CLDN16: variants seen among roughly 807,000 people sequenced by gnomAD.
CLDN16 encodes claudin-16.
A neutral mutation model predicts 24.6 loss-of-function variants in CLDN16; 13 were observed. The observed-to-expected ratio is 0.53, with a 90% CI of 0.34 to 0.84. The LOEUF (loss-of-function observed/expected upper bound fraction) is 0.84, where lower values mean the gene tolerates loss of function less well. Among genes scored for constraint, CLDN16 ranks in the 40% least tolerant of loss-of-function variants. CLDN16 has a pLI of 0.01. For synonymous variants in CLDN16, 116 were observed against 106.7 expected, an observed-to-expected ratio of 1.09 and a Z score of -0.54; for missense variants, 298 against 292.7, an observed-to-expected ratio of 1.02 and a Z score of -0.13.
chr3:190,294,303 T>A, the CLDN16 span, among the ~76,000 whole-genome samples: 1 of 152,222 alleles, frequency 6.6e-6, no homozygotes, highest in Non-Finnish European at 1.5e-5. Flanking sequence ...TTTAAGCTGC[T>A]AGTATTAAAT....
At chr3:190,296,725 A>G in the CLDN16 span, among the ~76,000 whole-genome samples, 4 of 151,158 alleles carry the variant, frequency 2.6e-5, no homozygotes, top group Non-Finnish European at 5.9e-5. Flanking sequence ...AATTTTTTGT[A>G]TTTTTAGTAG....
At chr3:190,399,879 T>A (rs1299262561) in intron 1 of CLDN16, among the ~76,000 whole-genome samples, 1 of 152,066 alleles carries the variant, frequency 6.6e-6, no homozygotes, top group Non-Finnish European at 1.5e-5. Context: ...AGCTCCACCT[T>A]CTGTCGGATC....
intron 1 of CLDN16, among the ~76,000 whole-genome samples, chr3:190,391,238 TG>T (rs1266422780): frequency 6.7e-6 from 1 of 149,010 alleles, no homozygotes; most frequent in Non-Finnish European, 1.5e-5. Flanking sequence ...TATATTTGGA[TG>T]ATGTTGGCAC....
intron 1 of CLDN16, among the ~76,000 whole-genome samples, chr3:190,362,841 A>C (rs1440151798): frequency 6.6e-6 from 1 of 151,942 alleles, no homozygotes; most frequent in African/African-American, 2.4e-5. Flanking sequence ...CTCCCTATAC[A>C]TTATATGTTT....
At chr3:190,397,232 G>A (rs990339233) in intron 1 of CLDN16, among the ~76,000 whole-genome samples, 2 of 152,070 alleles carry the variant, frequency 1.3e-5, no homozygotes, top group African/African-American at 4.8e-5. Flanking sequence ...CATTTAGCAG[G>A]TAATCCACTC....
At chr3:190,291,963 A>G in the CLDN16 span, among the ~76,000 whole-genome samples, 1 of 152,128 alleles carries the variant, frequency 6.6e-6, no homozygotes, top group Non-Finnish European at 1.5e-5. Context: ...AAACTCCTTC[A>G]TGGGCTGGTA....
At chr3:190,302,059 G>A in the CLDN16 span, among the ~76,000 whole-genome samples, 3 of 152,148 alleles carry the variant, frequency 2.0e-5, no homozygotes, top group Non-Finnish European at 4.4e-5. Context: ...CTTCATTGCA[G>A]CTGCGTTGGC....
At chr3:190,328,592 T>TG (rs1294725545) in intron 1 of CLDN16, among the ~76,000 whole-genome samples, 2 of 151,992 alleles carry the variant, frequency 1.3e-5, no homozygotes, top group African/African-American at 4.8e-5. Flanking sequence ...GAATAGAGTG[T>TG]GGTAGGCTGG....
chr3:190,315,149 A>T, the CLDN16 span, among the ~76,000 whole-genome samples: 1 of 152,238 alleles, frequency 6.6e-6, no homozygotes, highest in Non-Finnish European at 1.5e-5. Context: ...CATAACACAG[A>T]TTTCAGATGT....
At chr3:190,343,658 A>G (rs77756650) in intron 1 of CLDN16, among the ~76,000 whole-genome samples, 4,498 of 152,234 alleles carry the variant, frequency 0.03, 109 homozygotes, top group East Asian at 0.081. Flanking sequence ...GCCACGACAT[A>G]TATGAATCTG....
At chr3:190,383,233 G>A (rs1369136045), upstream of CLDN16, among the ~76,000 whole-genome samples, 2 of 152,078 alleles carry the variant, frequency 1.3e-5, no homozygotes, top group South Asian at 4.1e-4. Flanking sequence ...ATAATTTTTG[G>A]AGGGAGCTAT....
intron 1 of CLDN16, among the ~76,000 whole-genome samples, chr3:190,364,130 T>C (rs1717968374): frequency 6.6e-6 from 1 of 151,970 alleles, no homozygotes; most frequent in Non-Finnish European, 1.5e-5. Flanking sequence ...CTTATCCTTT[T>C]TCCTCGTCCT....
At chr3:190,294,058 C>T in the CLDN16 span, among the ~76,000 whole-genome samples, 7 of 152,166 alleles carry the variant, frequency 4.6e-5, no homozygotes, top group African/African-American at 1.7e-4. Context: ...GACAGAATGT[C>T]AGGAAGGAGA....
intron 1 of CLDN16, among the ~76,000 whole-genome samples, chr3:190,366,195 T>C (rs1342266869): frequency 2.0e-5 from 3 of 151,972 alleles, no homozygotes; most frequent in African/African-American, 7.2e-5. Context: ...AAATTGGTAA[T>C]TTAAATTAGG....
chr3:190,330,067 T>C (rs1446402870), intron 1 of CLDN16, among the ~76,000 whole-genome samples: 1 of 152,010 alleles, frequency 6.6e-6, no homozygotes, highest in Admixed American at 6.6e-5. Flanking sequence ...CTTAATCATA[T>C]ACATGACTGA....
chr3:190,337,304 T>G (rs6789805), intron 1 of CLDN16, among the ~76,000 whole-genome samples: 10,713 of 152,140 alleles, frequency 0.07, 558 homozygotes, highest in African/African-American at 0.14. Context: ...TTCATATTAG[T>G]GACAAGAAGA....
At chr3:190,296,265 A>G in the CLDN16 span, among the ~76,000 whole-genome samples, 15 of 152,208 alleles carry the variant, frequency 9.9e-5, no homozygotes, top group African/African-American at 3.4e-4. Flanking sequence ...GCATGAATAA[A>G]AATATAATAT....
the CLDN16 span, among the ~76,000 whole-genome samples, chr3:190,302,878 A>T: frequency 2.6e-5 from 4 of 151,552 alleles, no homozygotes; most frequent in Non-Finnish European, 5.9e-5. Flanking sequence ...AAAATAAAGC[A>T]CAAGTCAAAA....
At chr3:190,304,983 C>T in the CLDN16 span, among the ~76,000 whole-genome samples, 3 of 152,304 alleles carry the variant, frequency 2.0e-5, no homozygotes, top group African/African-American at 7.2e-5. Flanking sequence ...TTTTCAGGAG[C>T]ACCAAGATAC....
Sources: gnomAD v4.1 joint callset for allele counts (sites outside exome capture counted in the v4.1 genomes callset) on GRCh38, gnomAD v4.1.1 for gene constraint, MANE v1.5 for transcripts, NCBI Gene and HGNC (gene_info 2026-07-23, HGNC 2026-07-21) for gene names.